OIP5: variants seen among roughly 807,000 people sequenced by gnomAD.
OIP5 encodes the protein protein Mis18-beta.
OIP5 carries 24 observed loss-of-function variants against 20.3 expected under a neutral mutation model. The ratio of observed to expected loss-of-function variants is 1.18; its 90% CI spans 0.86 to 1.66. OIP5 has a LOEUF of 1.66. OIP5 is among the 40% of genes most tolerant of loss of function. The probability of loss-of-function intolerance (pLI) is 0.00; values close to 1 mark genes in which losing one functional copy is unlikely to be tolerated. For missense variants in OIP5, 339 were observed against 289.5 expected, an observed-to-expected ratio of 1.17 and a Z score of -1.24; for synonymous variants, 143 against 121.3, an observed-to-expected ratio of 1.18 and a Z score of -1.17.
chr15:41,327,080 A>T (rs1021321015), intron 2 of OIP5, among the ~76,000 whole-genome samples: 49 of 150,484 alleles, frequency 3.3e-4, no homozygotes, highest in African/African-American at 6.6e-4. Context: ...CAGGAATTAA[A>T]AAAAAAAAAA....
intron 2 of OIP5, among the ~76,000 whole-genome samples, chr15:41,329,115 T>C (rs1433750477): frequency 6.7e-6 from 1 of 148,992 alleles, no homozygotes. Context: ...CCGAGTCTGC[T>C]GTCTCTAAAA....
At chr15:41,321,055 CCT>C (rs2047820957) in intron 2 of OIP5, among the ~76,000 whole-genome samples, 1 of 150,780 alleles carries the variant, frequency 6.6e-6, no homozygotes, top group African/African-American at 2.4e-5. Context: ...CGGCAGCCTC[CCT>C]GTCTGAGAAG....
At chr15:41,323,900 G>A (rs1326908514) in intron 2 of OIP5, among the ~76,000 whole-genome samples, 1 of 151,390 alleles carries the variant, frequency 6.6e-6, no homozygotes, top group Non-Finnish European at 1.5e-5. Flanking sequence ...ATTTTCTGTA[G>A]CTTCTGCATC....
chr15:41,310,111 T>C, intron 4 of OIP5, among the ~76,000 whole-genome samples: 1 of 152,126 alleles, frequency 6.6e-6, no homozygotes, highest in East Asian at 1.9e-4. Context: ...TGGCAGTCAG[T>C]GATCCTCCCA....
rs2047944921 is a variant in OIP5 at position 41,332,483 on chromosome 15, C to A, written c.79G>T (p.Ala27Ser). 1 of 1,613,984 alleles carries A rather than the reference C, an allele frequency of 6.2e-7. No homozygotes were observed. The highest frequency in any genetic ancestry group is 1.3e-5 in the African/African-American group (1 of 74,944). The change falls in exon 1 of 5, where the codon GCG becomes TCG. Residue 27 changes from alanine to serine, a missense_variant. Transcript: ENST00000220514. Reference sequence around the variant, plus strand: ...GTCGTAAAAGAAGCTTGGTCAATCGCCCTCTCAGTGCCACCACAAAAGTCC... The same window carrying A: ...GTCGTAAAAGAAGCTTGGTCAATCGACCTCTCAGTGCCACCACAAAAGTCC... ...RGDFCGGTER[A>S]IDQASFTTSM...
At chr15:41,327,707 G>C (rs1157245454) in intron 2 of OIP5, among the ~76,000 whole-genome samples, 2 of 152,072 alleles carry the variant, frequency 1.3e-5, no homozygotes, top group African/African-American at 2.4e-5. Context: ...GGAATCACTT[G>C]AACCCGGGAG....
chr15:41,331,938 G>C lies in OIP5; in HGVS notation c.366C>G (p.Gly122=). 1.2e-6 allele frequency: 2 copies of C among 1,613,994 alleles called. No homozygotes were observed. The highest frequency in any genetic ancestry group is 1.7e-6 in the Non-Finnish European group (2 of 1,179,966). Residue 122 remains glycine (G), a synonymous_variant, in exon 2 of 5, where the codon GGC becomes GGG. Transcript: ENST00000220514. ...ACCTGCCTTTGAGTGAACCTTCAATGCCAACTAGGAAGGGCGCTTCCAAAA... is the reference window on the plus strand; with the variant it reads ...ACCTGCCTTTGAGTGAACCTTCAATCCCAACTAGGAAGGGCGCTTCCAAAA... ...NVVLEAPFLV[G]IEGSLKGSTY...
intron 2 of OIP5, among the ~76,000 whole-genome samples, chr15:41,323,590 C>A (rs1366485502): frequency 6.6e-6 from 1 of 152,078 alleles, no homozygotes; most frequent in Non-Finnish European, 1.5e-5. Flanking sequence ...CCCACCTCAG[C>A]CTTCCAAGTA....
Position 41,319,715 on chromosome 15 carries a change from TG to T in OIP5, c.454del (p.His152MetfsTer7). On this transcript the variant is annotated frameshift_variant, in exon 3 of 5. Transcript: ENST00000220514. LOFTEE classifies it high-confidence loss of function. ...ACCTCTCAAGGCAGCCAGGGCAGCA[TG>T]GGTAGAATACAGATGGAAACCAACG... is the stretch of plus-strand genomic sequence containing the variant. ...IPVGFHLYST[H>X]AALAALRGHF... is the part of the protein sequence containing the mutation. 1 of 1,613,866 alleles carries T rather than the reference TG, an allele frequency of 6.2e-7. No homozygotes were observed. The highest frequency in any genetic ancestry group is 1.3e-5 in the African/African-American group (1 of 75,010).
chr15:41,318,059 C>T (rs763961195), intron 3 of OIP5, among the ~76,000 whole-genome samples: 1 of 152,102 alleles, frequency 6.6e-6, no homozygotes, highest in Non-Finnish European at 1.5e-5. Context: ...ATACAAGGCC[C>T]CACCTATTAG....
chr15:41,325,264 G>A (rs111575863), intron 2 of OIP5, among the ~76,000 whole-genome samples: 5,951 of 152,096 alleles, frequency 0.039, 232 homozygotes, highest in African/African-American at 0.1. Context: ...AATTAGCCGG[G>A]TGTGGTGGCG....
intron 3 of OIP5, among the ~76,000 whole-genome samples, chr15:41,318,196 T>C (rs1241686146): frequency 6.6e-6 from 1 of 152,196 alleles, no homozygotes; most frequent in Non-Finnish European, 1.5e-5. Context: ...AGAGTCTAGC[T>C]CTGTCACCCA....
At chr15:41,320,499 C>G (rs1243330208) in intron 2 of OIP5, among the ~76,000 whole-genome samples, 1 of 152,198 alleles carries the variant, frequency 6.6e-6, no homozygotes, top group Non-Finnish European at 1.5e-5. Flanking sequence ...GGGCTGGTCT[C>G]CAGCTCCTAA....
intron 2 of OIP5, among the ~76,000 whole-genome samples, chr15:41,325,261 C>T (rs972118299): frequency 2.0e-5 from 3 of 151,766 alleles, no homozygotes; most frequent in African/African-American, 7.3e-5. Flanking sequence ...AAAAATTAGC[C>T]GGGTGTGGTG....
chr15:41,309,466 T>G lies in OIP5; in HGVS notation c.*288A>C, dbSNP rs2047740464. 1 of 242,368 alleles carries G rather than the reference T, an allele frequency of 4.1e-6. No homozygotes were observed. Among genetic ancestry groups the G allele is most frequent in the African/African-American group, 2.3e-5 (1 of 43,546 alleles). 15.0% of individuals were successfully genotyped at this position (242,368 alleles called of 1,614,324 possible). On this transcript the variant is annotated 3_prime_UTR_variant, in exon 5 of 5. Transcript: ENST00000220514. The stretch of plus-strand genomic sequence containing the variant: ...AGAGGACACATGGGACTCTGCATCT[T>G]AATTCCTAAATTTACAGTCAAAGAC...
chr15:41,309,545 G>A lies in OIP5; in HGVS notation c.*209C>T, dbSNP rs74012259. 3,224 of 417,052 alleles carry A rather than the reference G, an allele frequency of 7.7e-3. 99 individuals are homozygous for A. Among genetic ancestry groups the A allele is most frequent in the African/African-American group, 0.057 (2,750 of 48,274 alleles). 25.8% of individuals were successfully genotyped at this position (417,052 alleles called of 1,614,324 possible). On this transcript the variant is annotated 3_prime_UTR_variant, in exon 5 of 5. Transcript: ENST00000220514. ...ATAAGAATCTAAAGTAAGTTCTTAA[G>A]GCAAATAGCTATAAAAGAGAAGAAT...
intron 1 of OIP5, 98 bp from the exon 2 acceptor site, chr15:41,332,079 G>T: frequency 1.5e-6 from 2 of 1,370,294 alleles, no homozygotes; most frequent in Non-Finnish European, 1.0e-6. Context: ...AATATCAGGA[G>T]ACTCCCCGAT....
chr15:41,311,588 G>T (rs957612562), intron 4 of OIP5, among the ~76,000 whole-genome samples: 1 of 151,886 alleles, frequency 6.6e-6, no homozygotes, highest in Non-Finnish European at 1.5e-5. Flanking sequence ...TATTATTTTT[G>T]AAATAGATTC....
intron 2 of OIP5, among the ~76,000 whole-genome samples, chr15:41,321,333 C>A (rs868748932): frequency 4.0e-5 from 6 of 149,904 alleles, no homozygotes; most frequent in African/African-American, 1.5e-4. Flanking sequence ...CCAGCCGCCC[C>A]GTCCGCGAGG....
Sources: allele counts gnomAD v4.1 joint callset (sites outside exome capture counted in the v4.1 genomes callset), GRCh38; gene constraint gnomAD v4.1.1; transcripts MANE v1.5; gene names NCBI Gene and HGNC (gene_info 2026-07-23, HGNC 2026-07-21).